The following TSPAN2 variants were observed in gnomAD, a reference collection of about 807,000 sequenced individuals.
TSPAN2 encodes tetraspanin 2, also known as tetraspanin-2.
A neutral mutation model predicts 33.3 loss-of-function variants in TSPAN2; 24 were observed. That is an observed-to-expected ratio of 0.72 (90% CI 0.52 to 1.01). TSPAN2 has a LOEUF of 1.01. Among genes scored for constraint, TSPAN2 ranks in the 50% least tolerant of loss-of-function variants. The pLI, the probability that TSPAN2 is intolerant of heterozygous loss-of-function variation, is 0.00. For synonymous variants in TSPAN2, 114 were observed against 104.5 expected (o/e 1.09, Z -0.56); for missense variants, 278 against 281.3 (o/e 0.99, Z 0.08).
intron 1 of TSPAN2, 49 bp downstream of exon 1, chr1:115,089,315 C>CCCCCCCCCGCCCCCCGCCCA: frequency 7.0e-7 from 1 of 1,435,412 alleles, no homozygotes; most frequent in Non-Finnish European, 9.4e-7. Flanking sequence ...GCCCCGCGCC[C>CCCCCCCCCGCCCCCCGCCCA]GCCACCCGGC....
In TSPAN2 at chr1:115,049,490, GAA is replaced by G. The variant is rs1188891865; in HGVS notation, c.*998_*999del. 7.2e-5 allele frequency: 11 copies of G among 152,618 alleles called. No individual in the cohort carries two copies. In the East Asian group the frequency reaches 2.1e-3, roughly 30 times the overall value. The allele number at this position is 152,618 out of a possible 1,614,324, so 9.5% of individuals were successfully genotyped here. A position where few individuals can be genotyped will look rare whatever the true frequency, so the allele number is the denominator to read the frequency against. ...ATACAAGAAAAATACAAAAAGTTAGGAAAACATGTAAACGTAAGTTATGAGGT... is the reference window on the plus strand; with the variant it reads ...ATACAAGAAAAATACAAAAAGTTAGGAACATGTAAACGTAAGTTATGAGGT... On this transcript the variant is annotated 3_prime_UTR_variant, in exon 8 of 8. Coordinates refer to ENST00000369516, the MANE Select transcript of TSPAN2 (RefSeq NM_005725.6).
intron 6 of TSPAN2, among the ~76,000 whole-genome samples, chr1:115,056,801 C>G (rs1570966518): frequency 6.6e-6 from 1 of 152,164 alleles, no homozygotes; most frequent in Non-Finnish European, 1.5e-5. Flanking sequence ...TCCTTTGCAT[C>G]CACAGTGCCG....
intron 1 of TSPAN2, 54 bp downstream of exon 1, chr1:115,089,310 G>T: frequency 7.1e-7 from 1 of 1,401,408 alleles, no homozygotes; most frequent in African/African-American, 1.5e-5. Context: ...CCCCGGCCCC[G>T]CGCCCGCCAC....
At chr1:115,050,670 A>G in intron 7 of TSPAN2, 115 bp from the exon 8 acceptor site, 1 of 791,262 alleles carries the variant, frequency 1.3e-6, no homozygotes, top group Non-Finnish European at 2.2e-6. Flanking sequence ...ACCAATAATT[A>G]CCAGTCACAA....
chr1:115,050,205 TATAACA>T lies in TSPAN2; in HGVS notation c.*279_*284del. On this transcript the variant is annotated 3_prime_UTR_variant, in exon 8 of 8. Transcript: ENST00000369516. ...GGAGCGAAATAGGTTGTTCTTCTTA[TATAACA>T]AGAATCAGGAATTCCCAGCAAACAG... 2.6e-6 allele frequency: 1 copy of T among 383,320 alleles called. No homozygotes were observed. The highest frequency in any genetic ancestry group is 6.0e-5 in the East Asian group (1 of 16,722). The allele number at this position is 383,320 out of a possible 1,614,324, so 23.7% of individuals were successfully genotyped here. A position where few individuals can be genotyped will look rare whatever the true frequency, so the allele number is the denominator to read the frequency against.
intron 2 of TSPAN2, among the ~76,000 whole-genome samples, chr1:115,069,143 C>T (rs1034785002): frequency 2.0e-5 from 3 of 152,160 alleles, no homozygotes; most frequent in Admixed American, 6.6e-5. Flanking sequence ...ATGGGGTGGA[C>T]GAGGAACGAA....
intron 2 of TSPAN2, among the ~76,000 whole-genome samples, chr1:115,068,214 G>T (rs1390258466): frequency 2.0e-5 from 3 of 152,170 alleles, no homozygotes; most frequent in Non-Finnish European, 4.4e-5. Flanking sequence ...CCCACAGCTG[G>T]ATCCTCCTGC....
At chr1:115,089,312 G>GGCCCC in intron 1 of TSPAN2, 52 bp downstream of exon 1, 8 of 1,389,122 alleles carry the variant, frequency 5.8e-6, no homozygotes, top group Non-Finnish European at 7.8e-6. Flanking sequence ...CCGGCCCCGC[G>GGCCCC]CCCGCCACCC....
At position 115,053,474 on chromosome 1, in the gene TSPAN2, A is replaced by G. The variant is rs199701724; in HGVS notation, c.517-12T>C. 2.5e-6 allele frequency: 4 copies of G among 1,611,276 alleles called. No individual in the cohort carries two copies. The highest frequency in any genetic ancestry group is 2.2e-5 in the East Asian group (1 of 44,730). On this transcript the variant is annotated splice_polypyrimidine_tract_variant and intron_variant, in intron 6 of 7. Coordinates refer to ENST00000369516, the MANE Select transcript of TSPAN2 (RefSeq NM_005725.6). Reference sequence around the variant, plus strand: ...TCATCGATGCAATTCTGTTTTGAGGAAAAAAAGTCGGGAATAAAAACTGAT... The same window carrying G: ...TCATCGATGCAATTCTGTTTTGAGGGAAAAAAGTCGGGAATAAAAACTGAT...
At chr1:115,088,545 G>A (rs180915733) in intron 1 of TSPAN2, among the ~76,000 whole-genome samples, 6 of 152,276 alleles carry the variant, frequency 3.9e-5, no homozygotes, top group Admixed American at 3.9e-4. Flanking sequence ...CTGTATCCCT[G>A]TCTCGATAAT....
At chr1:115,089,167 A>G (rs1648958221) in intron 1 of TSPAN2, among the ~76,000 whole-genome samples, 197 bp downstream of exon 1, 1 of 152,058 alleles carries the variant, frequency 6.6e-6, no homozygotes, top group Non-Finnish European at 1.5e-5. Flanking sequence ...CTCATTGATC[A>G]ACCTTCTGTC....
At chr1:115,052,399 C>T (rs2101020385) in intron 7 of TSPAN2, among the ~76,000 whole-genome samples, 1 of 152,310 alleles carries the variant, frequency 6.6e-6, no homozygotes, top group South Asian at 2.1e-4. Context: ...TAGCTATTAT[C>T]ATCCAACCCC....
chr1:115,057,559 G>C lies in TSPAN2; in HGVS notation c.494C>G (p.Pro165Arg), dbSNP rs1385609022. The C allele has an allele frequency of 6.2e-7, 1 of 1,613,970 alleles. No homozygotes were observed. The highest frequency in any genetic ancestry group is 2.2e-5 in the East Asian group (1 of 44,884). ...TACCTTGTGTCCTAGAAGCTCCTTTGGGCATGTAGGTTGGACCTGTTCGGA... is the reference window on the plus strand; with the variant it reads ...TACCTTGTGTCCTAGAAGCTCCTTTCGGCATGTAGGTTGGACCTGTTCGGA... ...ESSEQVQPTC[P>R]KELLGHKNCI... is the part of the protein sequence containing the mutation. Residue 165 changes from proline (P) to arginine (R), a missense_variant, in exon 6 of 8, where the codon CCA becomes CGA. Transcript: ENST00000369516.
At chr1:115,067,166 A>G (rs1484992761) in intron 2 of TSPAN2, among the ~76,000 whole-genome samples, 1 of 152,254 alleles carries the variant, frequency 6.6e-6, no homozygotes, top group Non-Finnish European at 1.5e-5. Context: ...CCTACTCCAA[A>G]GTGCAGTCCC....
intron 3 of TSPAN2, 93 bp from the exon 4 acceptor site, chr1:115,060,631 G>A (rs1271870928): frequency 9.8e-6 from 9 of 917,284 alleles, no homozygotes; most frequent in East Asian, 2.6e-5. Context: ...TGGCTGAATC[G>A]CTTTCATGTG....
intron 1 of TSPAN2, among the ~76,000 whole-genome samples, chr1:115,086,199 A>C (rs1468531783): frequency 2.0e-5 from 3 of 152,220 alleles, no homozygotes; most frequent in African/African-American, 7.2e-5. Context: ...AGTTGAGGTC[A>C]CATACTTTAT....
In TSPAN2 at chr1:115,050,494, A is replaced by G. The variant is rs1366108690; in HGVS notation, c.662T>C (p.Ile221Thr). 4 of 1,614,002 alleles carry G rather than the reference A, an allele frequency of 2.5e-6. No homozygotes were observed. The South Asian group carries it at 4.4e-5, about 18-fold the overall frequency. The change falls in exon 8 of 8, where the codon ATA (isoleucine) becomes ACA (threonine). Residue 221 changes from isoleucine (I) to threonine (T), a missense_variant. Physicochemically the swap from Ile to Thr is moderately conservative, Grantham distance 89 (BLOSUM62 -1). Transcript: ENST00000369516. ...CCAIRNSRDVI is the reference protein window; with the variant it reads ...CCAIRNSRDVT Reference sequence around the variant, plus strand: ...AATTTTCATGTAGAAGTAGCTTCATATCACATCTCGTGAGTTTCGTATCGC... The same window carrying G: ...AATTTTCATGTAGAAGTAGCTTCATGTCACATCTCGTGAGTTTCGTATCGC...
intron 1 of TSPAN2, among the ~76,000 whole-genome samples, chr1:115,074,609 A>T (rs970144857): frequency 1.3e-5 from 2 of 152,232 alleles, no homozygotes; most frequent in Non-Finnish European, 2.9e-5. Context: ...GAGTTTTGCT[A>T]AAACATTATT....
At chr1:115,055,182 A>C (rs2101023004) in intron 6 of TSPAN2, among the ~76,000 whole-genome samples, 1 of 151,746 alleles carries the variant, frequency 6.6e-6, no homozygotes, top group South Asian at 2.1e-4. Context: ...ACAAAACAAC[A>C]CTCGAGACTG....
Sources: gnomAD v4.1 joint callset for allele counts (sites outside exome capture counted in the v4.1 genomes callset) on GRCh38, gnomAD v4.1.1 for gene constraint, MANE v1.5 for transcripts, NCBI Gene and HGNC (gene_info 2026-07-23, HGNC 2026-07-21) for gene names.